FRMD4A: variants seen among roughly 807,000 people sequenced by gnomAD.
FRMD4A encodes the protein FERM domain containing 4A, also known as FERM domain-containing protein 4A.
In FRMD4A, 29 loss-of-function variants were observed where a neutral mutation model predicts 129.1. The ratio of observed to expected loss-of-function variants is 0.22; its 90% CI spans 0.17 to 0.31. The LOEUF (loss-of-function observed/expected upper bound fraction) is 0.31, where lower values mean the gene tolerates loss of function less well. Among genes scored for constraint, FRMD4A ranks in the 10% least tolerant of loss-of-function variants. The pLI, the probability that FRMD4A is intolerant of heterozygous loss-of-function variation, is 1.00. For missense variants in FRMD4A, 1,272 were observed against 1,375.8 expected, an observed-to-expected ratio of 0.92 and a Z score of 1.19; for synonymous variants, 634 against 571.6, an observed-to-expected ratio of 1.11 and a Z score of -1.56.
intron 3 of FRMD4A, among the ~76,000 whole-genome samples, chr10:13,831,786 C>T (rs2093794146): frequency 1.3e-5 from 2 of 152,200 alleles, no homozygotes; most frequent in Admixed American, 1.3e-4. Flanking sequence ...CCTTATCCTG[C>T]TTCCTTTTTG....
chr10:13,650,599 C>G (rs1293864586), intron 24 of FRMD4A, among the ~76,000 whole-genome samples: 1 of 152,206 alleles, frequency 6.6e-6, no homozygotes, highest in Non-Finnish European at 1.5e-5. Flanking sequence ...TTCAAAAATA[C>G]TGCTCTCATG....
intron 15 of FRMD4A, chr10:13,693,659 T>A (rs2085932397): frequency 7.7e-6 from 5 of 645,552 alleles, no homozygotes; most frequent in Non-Finnish European, 2.7e-6. Context: ...CAGCAGGCCT[T>A]CTTGCACTGC....
Position 14,042,344 on chromosome 10 carries a change from G to T in FRMD4A, c.46-183432C>A, listed in dbSNP as rs117309674. 7.5e-3 allele frequency among the ~76,000 whole-genome samples: 1,138 copies of T among 152,174 alleles called. 55 individuals carry two copies. The East Asian group carries it at 0.11, about 15-fold the overall frequency. On this transcript the variant is annotated intron_variant, in intron 2 of 24. Transcript: ENST00000357447. ...CTTTGCCTCTTTTAAAAAGTTCTAA[G>T]TTACAGGCCAATCAGGACAAATACA...
chr10:13,694,191 C>T (rs1394984937), intron 14 of FRMD4A, 152 bp from the exon 15 acceptor site: 6 of 565,522 alleles, frequency 1.1e-5, no homozygotes, highest in Non-Finnish European at 1.8e-5. Context: ...CATCCCTTGG[C>T]CTCATCATTA....
intron 2 of FRMD4A, among the ~76,000 whole-genome samples, chr10:14,196,164 TACACACACACAC>T (rs10536108): frequency 6.7e-6 from 1 of 149,582 alleles, no homozygotes; most frequent in Admixed American, 6.7e-5. Context: ...TGCACACACA[TACACACACACAC>T]ACACACACAC....
intron 12 of FRMD4A, among the ~76,000 whole-genome samples, chr10:13,725,953 A>T (rs935835823): frequency 6.6e-6 from 1 of 152,230 alleles, no homozygotes; most frequent in Non-Finnish European, 1.5e-5. Flanking sequence ...ACAGATATAA[A>T]AAGAGAGGCA....
chr10:14,048,902 G>A (rs536783847), intron 2 of FRMD4A, among the ~76,000 whole-genome samples: 1 of 122,708 alleles, frequency 8.1e-6, no homozygotes, highest in African/African-American at 3.6e-5. Flanking sequence ...GAATAGAATA[G>A]AAAATAAAAT....
At chr10:14,242,248 C>T (rs1208074167) in intron 2 of FRMD4A, among the ~76,000 whole-genome samples, 2 of 152,244 alleles carry the variant, frequency 1.3e-5, no homozygotes, top group African/African-American at 4.8e-5. Flanking sequence ...ATGAGAAGAA[C>T]GTCCAAAGAT....
chr10:14,100,986 G>A (rs886975367), intron 2 of FRMD4A, among the ~76,000 whole-genome samples: 17 of 152,100 alleles, frequency 1.1e-4, no homozygotes, highest in Non-Finnish European at 2.5e-4. Flanking sequence ...ATGGAGCTGT[G>A]ATGTTTGGAC....
At chr10:13,695,971 C>T (rs917882187) in intron 14 of FRMD4A, among the ~76,000 whole-genome samples, 4 of 152,210 alleles carry the variant, frequency 2.6e-5, no homozygotes, top group African/African-American at 4.8e-5. Context: ...TGGAAGTCTG[C>T]GGGCTGGAGG....
At chr10:13,668,784 T>G (rs1304718138) in intron 17 of FRMD4A, among the ~76,000 whole-genome samples, 2 of 151,962 alleles carry the variant, frequency 1.3e-5, no homozygotes, top group South Asian at 4.2e-4. Context: ...ACAGGGGGAG[T>G]TGAAGTTCCT....
intron 2 of FRMD4A, among the ~76,000 whole-genome samples, chr10:14,233,395 C>A (rs1270237159): frequency 7.7e-6 from 1 of 129,538 alleles, no homozygotes; most frequent in Admixed American, 8.5e-5. Flanking sequence ...CATGGTGAAA[C>A]CCCATCTGTA....
At chr10:13,988,775 C>T (rs748282028) in intron 2 of FRMD4A, among the ~76,000 whole-genome samples, 3 of 151,970 alleles carry the variant, frequency 2.0e-5, no homozygotes, top group Non-Finnish European at 4.4e-5. Flanking sequence ...CCTATCCATC[C>T]GTCTATCTAT....
At chr10:13,810,476 C>A (rs1046120617) in intron 4 of FRMD4A, among the ~76,000 whole-genome samples, 11 of 152,116 alleles carry the variant, frequency 7.2e-5, no homozygotes, top group Non-Finnish European at 1.5e-4. Flanking sequence ...AGAAATGTTT[C>A]ATTTCCAGAA....
intron 2 of FRMD4A, among the ~76,000 whole-genome samples, chr10:14,287,182 A>G (rs79262962): frequency 0.03 from 4,563 of 152,116 alleles, 215 homozygotes; most frequent in African/African-American, 0.1. Flanking sequence ...GTCATCAGGC[A>G]TGGACCTGCT....
intron 2 of FRMD4A, among the ~76,000 whole-genome samples, chr10:13,902,957 T>C (rs977629612): frequency 6.6e-6 from 1 of 152,214 alleles, no homozygotes; most frequent in Non-Finnish European, 1.5e-5. Context: ...TTTACATTTT[T>C]AACAGATTCC....
intron 2 of FRMD4A, among the ~76,000 whole-genome samples, chr10:13,959,162 T>C (rs2095429745): frequency 6.6e-6 from 1 of 152,150 alleles, no homozygotes; most frequent in Non-Finnish European, 1.5e-5. Flanking sequence ...CATCAGAGAA[T>C]GTCTATCCAT....
chr10:14,173,378 G>A (rs1387523022), intron 2 of FRMD4A, among the ~76,000 whole-genome samples: 3 of 152,172 alleles, frequency 2.0e-5, no homozygotes, highest in Admixed American at 2.0e-4. Context: ...GTCTTCAGGA[G>A]ACCAAAACCA....
chr10:14,146,548 G>T (rs888703805), intron 2 of FRMD4A, among the ~76,000 whole-genome samples: 1 of 152,182 alleles, frequency 6.6e-6, no homozygotes, highest in Non-Finnish European at 1.5e-5. Flanking sequence ...CACGTGAAGG[G>T]AAAACTGATG....
Sources: gnomAD v4.1 joint callset for allele counts (sites outside exome capture counted in the v4.1 genomes callset) on GRCh38, gnomAD v4.1.1 for gene constraint, MANE v1.5 for transcripts, NCBI Gene and HGNC (gene_info 2026-07-23, HGNC 2026-07-21) for gene names.